The following RIPOR2 variants were observed in gnomAD, a reference collection of about 807,000 sequenced individuals.
RIPOR2 encodes RHO family interacting cell polarization regulator 2.
Under a neutral mutation model 114.5 loss-of-function variants are expected in RIPOR2, and 39 were observed. The observed-to-expected ratio is 0.34, with a 90% CI of 0.26 to 0.44. The LOEUF is 0.44. Among genes scored for constraint, RIPOR2 ranks in the 20% least tolerant of loss-of-function variants. RIPOR2 has a pLI of 1.00. For synonymous variants in RIPOR2, 445 were observed against 484.4 expected (o/e 0.92, Z 1.07); for missense variants, 1,007 against 1,255.1 (o/e 0.80, Z 2.99).
chr6:25,012,287 A>G (rs1373745434), intron 1 of RIPOR2, among the ~76,000 whole-genome samples: 1 of 152,252 alleles, frequency 6.6e-6, no homozygotes, highest in Non-Finnish European at 1.5e-5. Context: ...GAGAATATAA[A>G]GATTCAGCCG....
intron 1 of RIPOR2, chr6:24,910,822 C>A (rs1309239275): frequency 1.0e-6 from 1 of 985,380 alleles, no homozygotes; most frequent in Non-Finnish European, 1.2e-6. Flanking sequence ...ACCTACCTAA[C>A]GACGACGGCT....
chr6:24,842,808 G>T, intron 13 of RIPOR2, 54 bp downstream of exon 13: 1 of 1,055,428 alleles, frequency 9.5e-7, no homozygotes, highest in Non-Finnish European at 1.3e-6. Context: ...ATAGAATGTT[G>T]GCTTAGGACA....
chr6:24,932,003 GTCA>G (rs1771433120), intron 1 of RIPOR2: 1 of 152,672 alleles, frequency 6.5e-6, no homozygotes, highest in South Asian at 2.1e-4. Context: ...TTTTTCAATT[GTCA>G]TCATCATTGT....
At chr6:24,847,425 C>T in intron 12 of RIPOR2, 2 of 1,054,732 alleles carry the variant, frequency 1.9e-6, no homozygotes, top group South Asian at 1.7e-5. Flanking sequence ...AAGGACAGTA[C>T]AGCTGTAACC....
At chr6:24,936,695 C>T (rs16889798), upstream of RIPOR2, among the ~76,000 whole-genome samples, 96 of 152,198 alleles carry the variant, frequency 6.3e-4, no homozygotes, top group African/African-American at 2.2e-3. Context: ...TGAGCTTCTA[C>T]GCGAGCACCA....
At chr6:24,870,837 T>G in intron 5 of RIPOR2, 29 bp downstream of exon 5, 1 of 1,587,510 alleles carries the variant, frequency 6.3e-7, no homozygotes, top group South Asian at 1.1e-5. Context: ...TTTTTCTTAT[T>G]AGCACCCCAA....
chr6:25,001,532 G>A (rs1775316649), intron 1 of RIPOR2, among the ~76,000 whole-genome samples: 3 of 148,936 alleles, frequency 2.0e-5, no homozygotes, highest in Non-Finnish European at 4.4e-5. Context: ...GGCTGAGGCA[G>A]GAGAATTGCT....
intron 13 of RIPOR2, among the ~76,000 whole-genome samples, chr6:24,840,993 A>G (rs1421865413): frequency 6.6e-6 from 1 of 152,154 alleles, no homozygotes; most frequent in Non-Finnish European, 1.5e-5. Context: ...TACAGTACAG[A>G]TGTGTTTAAA....
At chr6:25,033,666 T>A (rs1180063072) in intron 1 of RIPOR2, among the ~76,000 whole-genome samples, 1 of 152,210 alleles carries the variant, frequency 6.6e-6, no homozygotes, top group Non-Finnish European at 1.5e-5. Context: ...TTTTTTGTCT[T>A]CACTCATTTT....
In RIPOR2 at chr6:24,941,021, A is replaced by G. The variant is rs145650492; in HGVS notation, c.77-65204T>C. On this transcript the variant is annotated intron_variant, in intron 1 of 13. Coordinates refer to the RIPOR2 transcript ENST00000510784. ...GAGGAGGTACCAATCTCATGGGTACAATCTCATGAGGGTTGTCTCATGAGG... is the reference window on the plus strand; with the variant it reads ...GAGGAGGTACCAATCTCATGGGTACGATCTCATGAGGGTTGTCTCATGAGG... 3.5e-4 allele frequency among the ~76,000 whole-genome samples: 53 copies of G among 152,242 alleles called. 2 individuals carry two copies. In the East Asian group the frequency reaches 0.01, roughly 29 times the overall value.
At chr6:24,906,300 C>T (rs1190592241) in intron 1 of RIPOR2, among the ~76,000 whole-genome samples, 5 of 152,330 alleles carry the variant, frequency 3.3e-5, no homozygotes, top group Admixed American at 2.6e-4. Context: ...AAAACAGACC[C>T]TCTGTGCCTT....
At chr6:24,975,039 T>TCG (rs1561819250) in intron 1 of RIPOR2, among the ~76,000 whole-genome samples, 3 of 152,166 alleles carry the variant, frequency 2.0e-5, no homozygotes, top group African/African-American at 4.8e-5. Flanking sequence ...TTTCTTTTAA[T>TCG]GGTAATAAAA....
rs1347440370 is a variant in RIPOR2 at position 24,832,349 on chromosome 6, G to C, written c.2251C>G (p.Leu751Val). 1 of 1,552,078 alleles carries C rather than the reference G, an allele frequency of 6.4e-7. No homozygotes were observed. The highest frequency in any genetic ancestry group is 1.2e-5 in the South Asian group (1 of 84,056). Reference protein sequence around the residue: ...SSKTPFVARSLLEKLSRQIQV... With the variant: ...SSKTPFVARSVLEKLSRQIQV... ...ATCTGCCTAGAAAGCTTCTCTAAGAGACTTCTTGCCACAAATGGGGTTTTG... is the reference window on the plus strand; with the variant it reads ...ATCTGCCTAGAAAGCTTCTCTAAGACACTTCTTGCCACAAATGGGGTTTTG... The change falls in exon 16 of 22, where the codon CTC (leucine) becomes GTC (valine). Residue 751 changes from leucine (L) to valine (V), a missense_variant. Leu to Val is a conservative substitution (Grantham distance 32). Transcript: ENST00000643898.
chr6:25,003,197 T>C (rs1464635278), intron 1 of RIPOR2, among the ~76,000 whole-genome samples: 1 of 152,154 alleles, frequency 6.6e-6, no homozygotes, highest in Non-Finnish European at 1.5e-5. Flanking sequence ...CTAAGTAACC[T>C]TTCTCAGAGC....
rs1430641515 is a variant in RIPOR2 at position 24,806,461 on chromosome 6, C to T, written c.3056G>A (p.Arg1019Gln). 8.4e-6 allele frequency: 13 copies of T among 1,550,702 alleles called. No homozygotes were observed. Among genetic ancestry groups the T allele is most frequent in the South Asian group, 1.2e-5 (1 of 83,914 alleles). The change falls in exon 22 of 22, where the codon CGG becomes CAG. Residue 1019 changes from arginine (R) to glutamine (Q), a missense_variant. Arg to Gln is a conservative substitution (Grantham distance 43, BLOSUM62 1). Transcript: ENST00000643898. The part of the protein sequence containing the change: ...ETLLSLGEDG[R>Q]LAYEQLDKFP... ...TTTGTCCAATTGTTCATATGCCAGC[C>T]GCCCATCTTCTCCTAAATACAGAAC...
intron 1 of RIPOR2, among the ~76,000 whole-genome samples, chr6:25,016,905 G>A (rs1776032848): frequency 6.6e-6 from 1 of 152,118 alleles, no homozygotes; most frequent in Non-Finnish European, 1.5e-5. Context: ...TCACATTCTG[G>A]GTGCTTCACT....
At chr6:24,938,849 T>A (rs952730045), upstream of RIPOR2, among the ~76,000 whole-genome samples, 1 of 152,210 alleles carries the variant, frequency 6.6e-6, no homozygotes, top group African/African-American at 2.4e-5. Context: ...CTTAGAGAGA[T>A]ATGACATACA....
chr6:25,026,987 A>G (rs1469144770), intron 1 of RIPOR2, among the ~76,000 whole-genome samples: 1 of 152,226 alleles, frequency 6.6e-6, no homozygotes, highest in Non-Finnish European at 1.5e-5. Context: ...CACAAGCCTC[A>G]CAAGTCCTGA....
intron 9 of RIPOR2, among the ~76,000 whole-genome samples, chr6:24,852,131 G>A (rs955842260): frequency 8.5e-5 from 13 of 152,054 alleles, no homozygotes; most frequent in Non-Finnish European, 1.8e-4. Flanking sequence ...CTGTGGTGGT[G>A]CACACCTGTA....
Sources: allele counts gnomAD v4.1 joint callset (sites outside exome capture counted in the v4.1 genomes callset), GRCh38; gene constraint gnomAD v4.1.1; transcripts MANE v1.5; gene names NCBI Gene and HGNC (gene_info 2026-07-23, HGNC 2026-07-21).